The following ATG10 variants were observed in gnomAD, a reference collection of about 807,000 sequenced individuals.
ATG10 encodes the protein ubiquitin-like-conjugating enzyme ATG10.
In ATG10, 30 loss-of-function variants were observed where a neutral mutation model predicts 32.1. The ratio of observed to expected loss-of-function variants is 0.94; its 90% CI spans 0.70 to 1.27. The LOEUF is 1.27. Among genes scored for constraint, ATG10 ranks in the 50% most tolerant of loss-of-function variants. The pLI, the probability that ATG10 is intolerant of heterozygous loss-of-function variation, is 0.00. For synonymous variants in ATG10, 87 were observed against 91.5 expected (o/e 0.95, Z 0.28); for missense variants, 233 against 262.3 (o/e 0.89, Z 0.77).
chr5:82,148,927 T>G (rs1767470757), intron 3 of ATG10, among the ~76,000 whole-genome samples: 1 of 152,202 alleles, frequency 6.6e-6, no homozygotes, highest in Non-Finnish European at 1.5e-5. Context: ...ATCTCTGAAA[T>G]ATGGCATTTC....
intron 2 of ATG10, chr5:82,010,112 T>C (rs1225983019): frequency 6.3e-7 from 1 of 1,579,758 alleles, no homozygotes; most frequent in Non-Finnish European, 8.7e-7. Flanking sequence ...GTACACAGTT[T>C]TCCTCGGCGG....
chr5:82,073,958 A>G (rs1352735394), intron 3 of ATG10, among the ~76,000 whole-genome samples: 2 of 152,212 alleles, frequency 1.3e-5, no homozygotes, highest in Admixed American at 1.3e-4. Flanking sequence ...ACAAAACTAG[A>G]AAACAAAACT....
chr5:82,143,586 A>T (rs1292928025), intron 3 of ATG10, among the ~76,000 whole-genome samples: 2 of 152,366 alleles, frequency 1.3e-5, no homozygotes, highest in South Asian at 4.1e-4. Flanking sequence ...AGGGTCTTGG[A>T]TGAATAATGT....
At chr5:81,994,013 A>C (rs1761585608) in intron 2 of ATG10, among the ~76,000 whole-genome samples, 1 of 152,104 alleles carries the variant, frequency 6.6e-6, no homozygotes, top group South Asian at 2.1e-4. Context: ...GCAGCCCATA[A>C]TCTCAGTGTT....
At chr5:82,068,740 A>T (rs973362995) in intron 3 of ATG10, among the ~76,000 whole-genome samples, 1 of 146,198 alleles carries the variant, frequency 6.8e-6, no homozygotes, top group African/African-American at 2.5e-5. Context: ...TCAAATTTCA[A>T]CTTAAAGTAT....
At chr5:82,118,298 T>TTG (rs375478173) in intron 3 of ATG10, among the ~76,000 whole-genome samples, 22,344 of 140,100 alleles carry the variant, frequency 0.16, 2,031 homozygotes, top group Middle Eastern at 0.23. Context: ...AGTGTCTTTC[T>TTG]TGTGTGTGTG....
chr5:82,215,794 T>G (rs1745653816), intron 5 of ATG10, among the ~76,000 whole-genome samples: 1 of 151,866 alleles, frequency 6.6e-6, no homozygotes. Flanking sequence ...AAAAATTAGC[T>G]GGGCATGGTG....
At chr5:82,048,227 T>G (rs71362606) in intron 2 of ATG10, among the ~76,000 whole-genome samples, 7,227 of 136,774 alleles carry the variant, frequency 0.053, 203 homozygotes, top group Middle Eastern at 0.1. Context: ...ATATGAACTT[T>G]AAAGTAGTTT....
At chr5:82,009,880 C>T in intron 2 of ATG10, 1 of 1,610,158 alleles carries the variant, frequency 6.2e-7, no homozygotes, top group East Asian at 2.2e-5. Context: ...CCACTAGTGC[C>T]ATTATGGCGT....
chr5:82,110,506 A>G (rs1457294863), intron 3 of ATG10, among the ~76,000 whole-genome samples: 2 of 152,094 alleles, frequency 1.3e-5, no homozygotes, highest in Non-Finnish European at 2.9e-5. Flanking sequence ...CTGGTGTGAG[A>G]TGGTATCTCA....
intron 4 of ATG10, among the ~76,000 whole-genome samples, chr5:82,170,338 T>A (rs1561337871): frequency 6.6e-6 from 1 of 152,206 alleles, no homozygotes. Context: ...AGCCTCTTTT[T>A]AAAATATGCT....
At chr5:82,248,695 A>T (rs778185163) in intron 5 of ATG10, among the ~76,000 whole-genome samples, 1 of 152,168 alleles carries the variant, frequency 6.6e-6, no homozygotes, top group African/African-American at 2.4e-5. Context: ...CTGGAAGTCC[A>T]CTTCTGTTGT....
chr5:82,109,567 T>C (rs1009409808), intron 3 of ATG10, among the ~76,000 whole-genome samples: 1 of 151,964 alleles, frequency 6.6e-6, no homozygotes, highest in African/African-American at 2.4e-5. Flanking sequence ...TTTATTACTT[T>C]TTATTTGATT....
intron 2 of ATG10, among the ~76,000 whole-genome samples, chr5:82,040,459 C>T (rs765021811): frequency 1.3e-5 from 2 of 152,066 alleles, no homozygotes; most frequent in Admixed American, 1.3e-4. Context: ...AAGATCTTGG[C>T]ACTATAAATC....
Position 82,116,606 on chromosome 5 carries a change from T to G in ATG10, c.217-47793T>G, listed in dbSNP as rs187326233. 2.2e-4 allele frequency among the ~76,000 whole-genome samples: 34 copies of G among 152,156 alleles called. 1 individual carries two copies. Among genetic ancestry groups the G allele is most frequent in the African/African-American group, 7.7e-4 (32 of 41,522 alleles). Reference sequence around the variant, plus strand: ...CTATTAAGCTATCAATGCCTAGAAATAAACTGCTGAGTAGAAGGTCTATTA... The same window carrying G: ...CTATTAAGCTATCAATGCCTAGAAAGAAACTGCTGAGTAGAAGGTCTATTA... On this transcript the variant is annotated intron_variant, in intron 3 of 7. Transcript: ENST00000282185.
At chr5:82,205,980 G>A (rs1250688964) in intron 5 of ATG10, among the ~76,000 whole-genome samples, 1 of 152,150 alleles carries the variant, frequency 6.6e-6, no homozygotes, top group East Asian at 1.9e-4. Flanking sequence ...TATAGAAAAA[G>A]GGGACTAGAG....
intron 3 of ATG10, among the ~76,000 whole-genome samples, chr5:82,071,276 C>T (rs1311083493): frequency 1.3e-5 from 2 of 152,124 alleles, no homozygotes; most frequent in African/African-American, 2.4e-5. Flanking sequence ...GAAGTGCCCC[C>T]AGCTTTCCAT....
chr5:82,197,432 T>TTATC (rs199877041), intron 5 of ATG10, among the ~76,000 whole-genome samples: 13 of 149,456 alleles, frequency 8.7e-5, no homozygotes, highest in South Asian at 6.5e-4. Context: ...CCTAACCAGC[T>TTATC]TATCTATCTA....
At chr5:82,050,839 C>CA (rs71000881) in intron 2 of ATG10, among the ~76,000 whole-genome samples, 433 of 36,308 alleles carry the variant, frequency 0.012, 49 homozygotes, top group African/African-American at 0.038. Flanking sequence ...CCATCTCTAC[C>CA]AAAAAAAAAA....
Sources: allele counts gnomAD v4.1 joint callset (sites outside exome capture counted in the v4.1 genomes callset), GRCh38; gene constraint gnomAD v4.1.1; transcripts MANE v1.5; gene names NCBI Gene and HGNC (gene_info 2026-07-23, HGNC 2026-07-21).